HOMER2: variants seen among roughly 807,000 people sequenced by gnomAD.
HOMER2 encodes homer scaffold protein 2, also known as homer protein homolog 2.
Under a neutral mutation model 47.0 loss-of-function variants are expected in HOMER2, and 27 were observed. The observed-to-expected ratio is 0.57, with a 90% CI of 0.42 to 0.79. HOMER2 has a LOEUF of 0.79. Among genes scored for constraint, HOMER2 ranks in the 30% least tolerant of loss-of-function variants. The pLI, the probability that HOMER2 is intolerant of heterozygous loss-of-function variation, is 0.00. For missense variants in HOMER2, 443 were observed against 435.0 expected (o/e 1.02, Z -0.16); for synonymous variants, 161 against 163.8 (o/e 0.98, Z 0.13).
intron 1 of HOMER2, among the ~76,000 whole-genome samples, chr15:82,941,130 C>T (rs1293943228): frequency 6.6e-6 from 1 of 151,968 alleles, no homozygotes; most frequent in Non-Finnish European, 1.5e-5. Context: ...CTCCATACTA[C>T]CCTTCATTAC....
At chr15:82,968,607 G>A (rs902829337) in intron 1 of HOMER2, among the ~76,000 whole-genome samples, 5 of 152,148 alleles carry the variant, frequency 3.3e-5, no homozygotes, top group African/African-American at 1.2e-4. Flanking sequence ...ACACTGTTCT[G>A]CAGTTGGTCT....
chr15:82,864,282 A>G, intron 3 of HOMER2, 23 bp from the exon 4 acceptor site: 2 of 1,564,418 alleles, frequency 1.3e-6, no homozygotes, highest in Non-Finnish European at 1.8e-6. Flanking sequence ...AATAGTTATT[A>G]AGGCTTTTAT....
intron 1 of HOMER2, among the ~76,000 whole-genome samples, chr15:82,906,734 A>G (rs2151137693): frequency 6.6e-6 from 1 of 152,086 alleles, no homozygotes; most frequent in Non-Finnish European, 1.5e-5. Flanking sequence ...GCGCCCAGCC[A>G]CAAGAAACCC....
chr15:82,980,088 A>T (rs1020605934), intron 1 of HOMER2, among the ~76,000 whole-genome samples: 1 of 152,154 alleles, frequency 6.6e-6, no homozygotes, highest in Admixed American at 6.5e-5. Flanking sequence ...GAAGTGTATT[A>T]TATATATGTA....
At chr15:82,980,033 T>A (rs1269698874) in intron 1 of HOMER2, among the ~76,000 whole-genome samples, 3 of 152,122 alleles carry the variant, frequency 2.0e-5, no homozygotes, top group Non-Finnish European at 4.4e-5. Flanking sequence ...AACTTTTAAG[T>A]GGCAGGCAGA....
Position 82,952,700 on chromosome 15 carries a change from G to A in HOMER2, c.-165C>T. 1.0e-6 allele frequency: 1 copy of A among 983,786 alleles called. No homozygotes were observed. The highest frequency in any genetic ancestry group is 1.2e-6 in the Non-Finnish European group (1 of 830,154). 60.9% of individuals were successfully genotyped at this position (983,786 alleles called of 1,614,324 possible). A position where few individuals can be genotyped will look rare whatever the true frequency, so the allele number is the denominator to read the frequency against. On this transcript the variant is annotated 5_prime_UTR_variant, in exon 1 of 9. Transcript: ENST00000450735. ...CTGCGCGGCTGCCACTGCTGCCACTGCCGCCACCGCCGCCAGGCGCGGGCG... is the reference window on the plus strand; with the variant it reads ...CTGCGCGGCTGCCACTGCTGCCACTACCGCCACCGCCGCCAGGCGCGGGCG...
intron 2 of HOMER2, among the ~76,000 whole-genome samples, chr15:82,881,732 T>C (rs1298006268): frequency 6.6e-6 from 1 of 152,228 alleles, no homozygotes; most frequent in African/African-American, 2.4e-5. Flanking sequence ...GAGTTTTGGA[T>C]ACTGATATCC....
chr15:82,840,958 T>G (rs1283856533), exon 2 of HOMER2: 1 of 152,138 alleles, frequency 6.6e-6, no homozygotes, highest in Non-Finnish European at 1.5e-5. Flanking sequence ...AAGTTCTTTT[T>G]AATTTTTTTA....
intron 2 of HOMER2, among the ~76,000 whole-genome samples, chr15:82,881,372 A>G (rs910860988): frequency 6.6e-6 from 1 of 152,214 alleles, no homozygotes; most frequent in Non-Finnish European, 1.5e-5. Context: ...TTTCATGAGA[A>G]GTCTTTCCCA....
intron 1 of HOMER2, among the ~76,000 whole-genome samples, chr15:82,973,653 C>G (rs896426975): frequency 6.6e-6 from 1 of 152,198 alleles, no homozygotes; most frequent in Non-Finnish European, 1.5e-5. Flanking sequence ...TGCTTATCAT[C>G]TAGGCTATAG....
chr15:82,854,609 C>T (rs756085385), intron 6 of HOMER2, 35 bp downstream of exon 6: 1 of 1,589,384 alleles, frequency 6.3e-7, no homozygotes, highest in Admixed American at 1.7e-5. Context: ...CCCACACCAG[C>T]TGGCCTCGGG....
chr15:82,901,124 AG>A (rs2053102070), intron 1 of HOMER2, among the ~76,000 whole-genome samples: 1 of 152,174 alleles, frequency 6.6e-6, no homozygotes, highest in South Asian at 2.1e-4. Flanking sequence ...GCTGGGTCAC[AG>A]GCAGAGGGCT....
chr15:82,875,106 G>A (rs1177719137), intron 3 of HOMER2, among the ~76,000 whole-genome samples, 167 bp downstream of exon 3: 1 of 152,162 alleles, frequency 6.6e-6, no homozygotes, highest in East Asian at 1.9e-4. Flanking sequence ...CGTGAACCTG[G>A]TATTTCAAAA....
chr15:82,881,991 GCA>G (rs1182526057), intron 2 of HOMER2, among the ~76,000 whole-genome samples: 6 of 152,178 alleles, frequency 3.9e-5, no homozygotes, highest in Non-Finnish European at 1.5e-5. Context: ...AGTGCCAACA[GCA>G]CAATGAAATC....
chr15:82,973,508 C>T (rs1010359638), intron 1 of HOMER2, among the ~76,000 whole-genome samples: 9 of 152,086 alleles, frequency 5.9e-5, no homozygotes, highest in African/African-American at 2.2e-4. Context: ...ATAATGGTAG[C>T]GCTAGTAGTC....
intron 1 of HOMER2, among the ~76,000 whole-genome samples, chr15:82,916,507 G>A (rs891942939): frequency 3.3e-5 from 5 of 152,162 alleles, no homozygotes; most frequent in Admixed American, 6.5e-5. Context: ...TGCATGTGAC[G>A]TGAGGACAGC....
At chr15:82,923,004 G>C (rs115046402) in intron 1 of HOMER2, among the ~76,000 whole-genome samples, 8,770 of 152,116 alleles carry the variant, frequency 0.058, 454 homozygotes, top group African/African-American at 0.14. Context: ...TCAGAGGCAC[G>C]TGGCTCCAAC....
intron 5 of HOMER2, among the ~76,000 whole-genome samples, chr15:82,857,058 C>T (rs117008539): frequency 0.011 from 1,616 of 152,208 alleles, 7 homozygotes; most frequent in Non-Finnish European, 0.016. Flanking sequence ...TGAGACCTCC[C>T]TAAATTCATA....
intron 1 of HOMER2, among the ~76,000 whole-genome samples, chr15:82,905,013 G>A (rs1313926044): frequency 6.6e-6 from 1 of 152,114 alleles, no homozygotes; most frequent in East Asian, 1.9e-4. Flanking sequence ...ATATGCTAAG[G>A]GCTTTGATGG....
Sources: gnomAD v4.1 joint callset for allele counts (sites outside exome capture counted in the v4.1 genomes callset) on GRCh38, gnomAD v4.1.1 for gene constraint, MANE v1.5 for transcripts, NCBI Gene and HGNC (gene_info 2026-07-23, HGNC 2026-07-21) for gene names.